The following SIRT1 variants were observed in gnomAD, a reference collection of about 807,000 sequenced individuals.
SIRT1 encodes the protein NAD-dependent protein deacetylase sirtuin-1.
SIRT1 carries 24 observed loss-of-function variants against 67.9 expected under a neutral mutation model. That is an observed-to-expected ratio of 0.35 (90% CI 0.26 to 0.50). The LOEUF is 0.50. SIRT1 is among the 20% of genes least tolerant of loss of function. The pLI is 0.98. For synonymous variants in SIRT1, 378 were observed against 350.7 expected, an observed-to-expected ratio of 1.08 and a Z score of -0.87; for missense variants, 873 against 937.2, an observed-to-expected ratio of 0.93 and a Z score of 0.89.
intron 6 of SIRT1, among the ~76,000 whole-genome samples, chr10:67,908,336 A>G (rs1455921420): frequency 6.6e-6 from 1 of 152,198 alleles, no homozygotes; most frequent in African/African-American, 2.4e-5. Context: ...CAAATTATGA[A>G]ATTGGCTTCT....
chr10:67,899,108 C>G (rs1337687632), intron 4 of SIRT1, among the ~76,000 whole-genome samples: 3 of 151,948 alleles, frequency 2.0e-5, no homozygotes, highest in Admixed American at 1.3e-4. Context: ...CTTCTTTAAG[C>G]CTTTAAGTCT....
At chr10:67,914,830 C>T (rs1331211977) in intron 8 of SIRT1, among the ~76,000 whole-genome samples, 1 of 151,698 alleles carries the variant, frequency 6.6e-6, no homozygotes, top group Non-Finnish European at 1.5e-5. Context: ...GCCTCACTCT[C>T]CAGAGTAGCT....
At chr10:67,910,755 T>G (rs1021008300) in intron 7 of SIRT1, among the ~76,000 whole-genome samples, 1 of 152,220 alleles carries the variant, frequency 6.6e-6, no homozygotes, top group Non-Finnish European at 1.5e-5. Flanking sequence ...ACATAAAATT[T>G]AAATCCTTAT....
At position 67,885,699 on chromosome 10, in the gene SIRT1, A is replaced by G. The variant is rs570649358; in HGVS notation, c.430+548A>G. 9.7e-4 allele frequency among the ~76,000 whole-genome samples: 147 copies of G among 152,182 alleles called. 12 individuals are homozygous for G. The highest frequency in any genetic ancestry group is 1.0e-3 in the Admixed American group (16 of 15,262). ...CTGTTTCTATAGTCACAGCTTGCAAAATTTAAAGAACGTGGCTGTTCCTGA... is the reference window on the plus strand; with the variant it reads ...CTGTTTCTATAGTCACAGCTTGCAAGATTTAAAGAACGTGGCTGTTCCTGA... On this transcript the variant is annotated intron_variant, in intron 1 of 8. Coordinates refer to ENST00000212015, the MANE Select transcript of SIRT1 (RefSeq NM_012238.5).
chr10:67,902,253 T>G (rs1842756039), intron 4 of SIRT1, among the ~76,000 whole-genome samples: 1 of 152,130 alleles, frequency 6.6e-6, no homozygotes, highest in Admixed American at 6.6e-5. Context: ...CCTCCCAAAG[T>G]GCTGGGATTA....
intron 4 of SIRT1, among the ~76,000 whole-genome samples, chr10:67,895,760 T>TTTTTTTA (rs1459241769): frequency 3.6e-5 from 5 of 137,048 alleles, no homozygotes; most frequent in East Asian, 2.1e-4. Context: ...TTTTTTTTTT[T>TTTTTTTA]GAGACAGTTT....
In SIRT1 at chr10:67,896,349, T is replaced by C. The variant is rs1426446874; in HGVS notation, c.942+4795T>C. ...TTGTAGAGTCAAGTTCTCACTATGT[T>C]GTCCAGGCTGGTCTTGAAATCCTGG... On this transcript the variant is annotated intron_variant, in intron 4 of 8. Coordinates refer to ENST00000212015, the MANE Select transcript of SIRT1 (RefSeq NM_012238.5). 6.6e-5 allele frequency among the ~76,000 whole-genome samples: 10 copies of C among 152,320 alleles called. No individual in the cohort carries two copies. The South Asian group carries it at 1.4e-3, about 22-fold the overall frequency.
intron 8 of SIRT1, 125 bp from the exon 9 acceptor site, chr10:67,916,140 A>T: frequency 2.4e-6 from 2 of 838,242 alleles, no homozygotes; most frequent in African/African-American, 1.7e-5. Flanking sequence ...TTTAAACACT[A>T]ATAGTAGTCT....
chr10:67,904,910 G>T (rs1405729563), intron 4 of SIRT1, among the ~76,000 whole-genome samples: 1 of 151,568 alleles, frequency 6.6e-6, no homozygotes, highest in Non-Finnish European at 1.5e-5. Flanking sequence ...TGTCTTAAAG[G>T]TAGTTGAATT....
chr10:67,916,533 T>C lies in SIRT1; in HGVS notation c.2184T>C (p.Asn728=), dbSNP rs1199923778. The change falls in exon 9 of 9, where the codon AAT becomes AAC. Residue 728 remains asparagine, a synonymous_variant. Coordinates refer to ENST00000212015, the MANE Select transcript of SIRT1 (RefSeq NM_012238.5). Reference sequence around the variant, plus strand: ...ATGGAGATGATCAAGAGGCAATTAATGAAGCTATATCTGTGAAACAGGAAG... The same window carrying C: ...ATGGAGATGATCAAGAGGCAATTAACGAAGCTATATCTGTGAAACAGGAAG... ...GTDGDDQEAI[N]EAISVKQEVT... The C allele has an allele frequency of 6.2e-7, 1 of 1,614,046 alleles. No homozygotes were observed. Among genetic ancestry groups the C allele is most frequent in the African/African-American group, 1.3e-5 (1 of 74,930 alleles).
rs1224956648 is a variant in SIRT1 at position 67,909,236 on chromosome 10, C to T, written c.1171-20C>T. 1 of 1,554,664 alleles carries T rather than the reference C, an allele frequency of 6.4e-7. No homozygotes were observed. The highest frequency in any genetic ancestry group is 1.4e-5 in the African/African-American group (1 of 72,948). ...TTACTCTTTGCTTCTCTACCTCAAC[C>T]AAAATCTGAAAATATGTAGGTAGTT... On this transcript the variant is annotated intron_variant, in intron 6 of 8. Transcript: ENST00000212015.
chr10:67,885,848 C>CT (rs1399369695), intron 1 of SIRT1, among the ~76,000 whole-genome samples: 2 of 149,854 alleles, frequency 1.3e-5, no homozygotes, highest in Non-Finnish European at 3.0e-5. Context: ...GCTAAACATG[C>CT]TTTTTTTGTA....
At chr10:67,901,424 G>A (rs976208225) in intron 4 of SIRT1, among the ~76,000 whole-genome samples, 4 of 152,278 alleles carry the variant, frequency 2.6e-5, no homozygotes, top group Admixed American at 1.3e-4. Context: ...AGTTAGGTTT[G>A]TTTTGTATTT....
intron 5 of SIRT1, among the ~76,000 whole-genome samples, chr10:67,907,512 AAAG>A (rs1564891476): frequency 8.3e-6 from 1 of 119,762 alleles, no homozygotes; most frequent in Non-Finnish European, 1.9e-5. Context: ...AAAAAAAGAA[AAAG>A]AAATTCTGAA....
At chr10:67,913,191 A>G (rs1052608113) in intron 8 of SIRT1, among the ~76,000 whole-genome samples, 160 bp downstream of exon 8, 1 of 152,232 alleles carries the variant, frequency 6.6e-6, no homozygotes, top group Non-Finnish European at 1.5e-5. Context: ...ATCTTCTGGT[A>G]TCTTAACATG....
chr10:67,914,152 A>G (rs1842944280), intron 8 of SIRT1, among the ~76,000 whole-genome samples: 1 of 137,224 alleles, frequency 7.3e-6, no homozygotes, highest in African/African-American at 2.8e-5. Context: ...GCTCACTGCA[A>G]CCTCTGCGTC....
rs1322192578 is a variant in SIRT1 at position 67,902,049 on chromosome 10, C to T, written c.943-4741C>T. Reference sequence around the variant, plus strand: ...TTGTCCCCAGGCTGGAGTGCAGTGGCGCTATCTTGGCTCACTGCAACCTCC... The same window carrying T: ...TTGTCCCCAGGCTGGAGTGCAGTGGTGCTATCTTGGCTCACTGCAACCTCC... On this transcript the variant is annotated intron_variant, in intron 4 of 8. Coordinates refer to ENST00000212015, the MANE Select transcript of SIRT1 (RefSeq NM_012238.5). Among the ~76,000 whole-genome samples the T allele has an allele frequency of 3.9e-5, 6 of 152,172 alleles. No individual in the cohort carries two copies. The South Asian group carries it at 8.3e-4, about 21-fold the overall frequency.
At chr10:67,904,050 A>T (rs1163810637) in intron 4 of SIRT1, among the ~76,000 whole-genome samples, 1 of 151,706 alleles carries the variant, frequency 6.6e-6, no homozygotes, top group Non-Finnish European at 1.5e-5. Flanking sequence ...GTCCTATCTT[A>T]GGAGGAGTGG....
intron 4 of SIRT1, among the ~76,000 whole-genome samples, chr10:67,901,571 C>T (rs528423815): frequency 9.1e-4 from 139 of 152,282 alleles, no homozygotes; most frequent in Non-Finnish European, 1.7e-3. Context: ...GTTTTCTTTA[C>T]AGCCTTGAAC....
Sources: allele counts gnomAD v4.1 joint callset (sites outside exome capture counted in the v4.1 genomes callset), GRCh38; gene constraint gnomAD v4.1.1; transcripts MANE v1.5; gene names NCBI Gene and HGNC (gene_info 2026-07-23, HGNC 2026-07-21).